The following ENPP2 variants were observed in gnomAD, a reference collection of about 807,000 sequenced individuals.
The protein encoded by ENPP2 is autotaxin.
In ENPP2, 51 loss-of-function variants were observed where a neutral mutation model predicts 120.2. The ratio of observed to expected loss-of-function variants is 0.42; its 90% CI spans 0.34 to 0.54. The LOEUF (loss-of-function observed/expected upper bound fraction) is 0.54. Ranked by LOEUF, ENPP2 falls within the 20% of genes least tolerant of loss-of-function variation. The pLI is 0.04. For missense variants in ENPP2, 920 were observed against 1,066.5 expected (o/e 0.86, Z 1.91); for synonymous variants, 365 against 366.4 (o/e 1.00, Z 0.04).
rs1379067392 is a variant in ENPP2 at position 119,557,619 on chromosome 8, G to A, written c.2494C>T (p.His832Tyr). The A allele has an allele frequency of 1.2e-5, 20 of 1,611,724 alleles. No homozygotes were observed. The highest frequency in any genetic ancestry group is 1.6e-5 in the Non-Finnish European group (19 of 1,179,524). The part of the protein sequence containing the change: ...MHTARVRDIE[H>Y]LTSLDFFRKT... ...CGGAAGAAGTCCAGGCTGGTGAGATGTTCAATGTCACGCACCCTAGCTGTG... is the reference window on the plus strand; with the variant it reads ...CGGAAGAAGTCCAGGCTGGTGAGATATTCAATGTCACGCACCCTAGCTGTG... The change falls in exon 25 of 25, where the codon CAT becomes TAT. Residue 832 changes from histidine (H) to tyrosine (Y), a missense_variant. His to Tyr is a moderately conservative substitution (Grantham distance 83). Coordinates refer to ENST00000075322, the MANE Select transcript of ENPP2 (RefSeq NM_001040092.3).
At chr8:119,641,705 C>G (rs1817291160), upstream of ENPP2, among the ~76,000 whole-genome samples, 1 of 152,138 alleles carries the variant, frequency 6.6e-6, no homozygotes, top group South Asian at 2.1e-4. Flanking sequence ...ATGTTTATGT[C>G]CTGCGTATCA....
In ENPP2 at chr8:119,666,654, C is replaced by T. The variant is rs1818080415; in HGVS notation, c.21+6598G>A. 2.0e-5 allele frequency among the ~76,000 whole-genome samples: 3 copies of T among 152,002 alleles called. No individual in the cohort carries two copies. In the South Asian group the frequency reaches 6.2e-4, roughly 31 times the overall value. On this transcript the variant is annotated intron_variant, in intron 1 of 25. Transcript: ENST00000427067. ...AATTAGCCAGGCGTGGTGGCACATG[C>T]CTGTAATCCCAGCTACTTGGGAGGC...
intron 22 of ENPP2, among the ~76,000 whole-genome samples, chr8:119,565,415 G>T (rs1456106775): frequency 6.6e-6 from 1 of 152,134 alleles, no homozygotes; most frequent in African/African-American, 2.4e-5. Flanking sequence ...CTTTCCTGGA[G>T]ATCCAGACAT....
intron 19 of ENPP2, chr8:119,571,938 G>T (rs1815024036): frequency 1.0e-5 from 4 of 400,666 alleles, no homozygotes; most frequent in Non-Finnish European, 1.8e-5. Context: ...AGACAAAGCG[G>T]CCCACACTAT....
At chr8:119,604,020 T>C (rs1188915103) in intron 9 of ENPP2, among the ~76,000 whole-genome samples, 5 of 150,986 alleles carry the variant, frequency 3.3e-5, no homozygotes, top group Admixed American at 6.6e-5. Flanking sequence ...CTCTTTTTTT[T>C]TTTTTTTTTT....
At chr8:119,609,406 T>G (rs1359460040) in intron 8 of ENPP2, among the ~76,000 whole-genome samples, 1 of 152,192 alleles carries the variant, frequency 6.6e-6, no homozygotes, top group African/African-American at 2.4e-5. Flanking sequence ...CACATGGCTC[T>G]GAGGGACCAG....
chr8:119,599,524 T>C (rs1814136328), intron 11 of ENPP2, among the ~76,000 whole-genome samples: 1 of 152,230 alleles, frequency 6.6e-6, no homozygotes, highest in African/African-American at 2.4e-5. Context: ...TATGGGTTAC[T>C]AGGCTACTTA....
rs921722758 is a variant in ENPP2, at chr8:119,619,121, A to C, written c.479+123T>G. The C allele has an allele frequency of 4.2e-6, 3 of 708,370 alleles. No homozygotes were observed. The East Asian group carries it at 7.9e-5, about 19-fold the overall frequency. 43.9% of individuals were successfully genotyped at this position (708,370 alleles called of 1,614,324 possible). A position where few individuals can be genotyped will look rare whatever the true frequency, so the allele number is the denominator to read the frequency against. ...ACTCATGAATTACTCCTAAGTACTCATAAGTTTGCCTGTATAAGAGAATTT... is the reference window on the plus strand; with the variant it reads ...ACTCATGAATTACTCCTAAGTACTCCTAAGTTTGCCTGTATAAGAGAATTT... On this transcript the variant is annotated intron_variant, in intron 5 of 24. Coordinates refer to ENST00000075322, the MANE Select transcript of ENPP2 (RefSeq NM_001040092.3).
chr8:119,567,597 A>G (rs1043852510), intron 22 of ENPP2, among the ~76,000 whole-genome samples: 2 of 152,238 alleles, frequency 1.3e-5, no homozygotes, highest in African/African-American at 4.8e-5. Flanking sequence ...TAATTGGTAC[A>G]GGACTAAAAT....
chr8:119,583,161 T>A lies in ENPP2; in HGVS notation c.1543+556A>T, dbSNP rs1278004556. Among the ~76,000 whole-genome samples the A allele has an allele frequency of 2.6e-5, 4 of 152,050 alleles. No homozygotes were observed. In the East Asian group the frequency reaches 7.7e-4, roughly 29 times the overall value. ...TGCGTATTCAGTAACTTGCTTGAGC[T>A]CAGAGGCAGGACAGGGGACAGCTAG... On this transcript the variant is annotated intron_variant, in intron 17 of 24. Transcript: ENST00000075322.
At chr8:119,561,558 C>T (rs10808504) in intron 24 of ENPP2, among the ~76,000 whole-genome samples, 96,026 of 151,950 alleles carry the variant, frequency 0.63, 31,111 homozygotes, top group African/African-American at 0.76. Flanking sequence ...GTTTTTCCAT[C>T]TGTCCCTGAG....
chr8:119,619,110 C>A (rs1042431340), intron 5 of ENPP2, 134 bp downstream of exon 5: 11 of 664,222 alleles, frequency 1.7e-5, no homozygotes, highest in Non-Finnish European at 2.7e-5. Flanking sequence ...ATGAATTACT[C>A]CTAAGTACTC....
At chr8:119,621,927 TTTTA>T (rs922486356) in intron 3 of ENPP2, among the ~76,000 whole-genome samples, 1 of 152,110 alleles carries the variant, frequency 6.6e-6, no homozygotes, top group Non-Finnish European at 1.5e-5. Flanking sequence ...TTTATTTTTA[TTTTA>T]TTTATTTATT....
At chr8:119,565,952 A>G (rs1814390597) in intron 22 of ENPP2, among the ~76,000 whole-genome samples, 2 of 151,400 alleles carry the variant, frequency 1.3e-5, no homozygotes. Flanking sequence ...TGAAATCCCA[A>G]CTCCCCACCA....
intron 7 of ENPP2, among the ~76,000 whole-genome samples, 179 bp downstream of exon 7, chr8:119,616,985 C>T (rs948187014): frequency 3.9e-5 from 6 of 152,146 alleles, no homozygotes; most frequent in African/African-American, 1.4e-4. Flanking sequence ...GAATGAAGTT[C>T]CATCACCCAC....
rs1334388589 is a variant in ENPP2 at position 119,621,493 on chromosome 8, T to G, written c.319A>C (p.Arg107=). 3 of 1,613,506 alleles carry G rather than the reference T, an allele frequency of 1.9e-6. No homozygotes were observed. The highest frequency in any genetic ancestry group is 2.5e-6 in the Non-Finnish European group (3 of 1,179,532). The change falls in exon 4 of 25, where the codon AGA becomes CGA. Residue 107 remains arginine, a synonymous_variant. Transcript: ENST00000075322. ...TARGWECTKD[R]CGEVRNEENA... is the part of the protein sequence containing the mutation. ...TCTTCATTTCTGACTTCTCCACATC[T>G]GTCCTTAGTACACTCCCAGCCACGG...
intron 24 of ENPP2, 44 bp downstream of exon 24, chr8:119,562,813 G>A: frequency 6.3e-7 from 1 of 1,575,632 alleles, no homozygotes; most frequent in Admixed American, 1.7e-5. Flanking sequence ...AAACGAAGGT[G>A]AACTATGGAA....
intron 2 of ENPP2, 109 bp downstream of exon 2, chr8:119,638,312 CTTAG>C (rs952291385): frequency 9.7e-6 from 6 of 616,786 alleles, no homozygotes; most frequent in African/African-American, 7.4e-5. Flanking sequence ...TTAGGACTAA[CTTAG>C]TTATACTGCA....
intron 24 of ENPP2, among the ~76,000 whole-genome samples, chr8:119,562,351 G>A (rs1814033078): frequency 6.6e-6 from 1 of 152,054 alleles, no homozygotes; most frequent in African/African-American, 2.4e-5. Flanking sequence ...GCTGAGGCAG[G>A]AGAATCACTT....
Sources: gnomAD v4.1 joint callset for allele counts (sites outside exome capture counted in the v4.1 genomes callset) on GRCh38, gnomAD v4.1.1 for gene constraint, MANE v1.5 for transcripts, NCBI Gene and HGNC (gene_info 2026-07-23, HGNC 2026-07-21) for gene names.